Variants in KCNH1 observed in about 807,000 individuals in gnomAD.
KCNH1 encodes the protein potassium voltage-gated channel subfamily H member 1.
KCNH1 carries 27 observed loss-of-function variants against 69.2 expected under a neutral mutation model. That is an observed-to-expected ratio of 0.39 (90% CI 0.29 to 0.54). The LOEUF is 0.54. KCNH1 is among the 20% of genes least tolerant of loss of function. The pLI, the probability that KCNH1 is intolerant of heterozygous loss-of-function variation, is 0.68. For synonymous variants in KCNH1, 456 were observed against 487.7 expected (o/e 0.93, Z 0.86); for missense variants, 798 against 1,261.6 (o/e 0.63, Z 5.57).
chr1:211,047,232 G>A (rs949962081), intron 5 of KCNH1, among the ~76,000 whole-genome samples: 1 of 152,158 alleles, frequency 6.6e-6, no homozygotes, highest in Non-Finnish European at 1.5e-5. Flanking sequence ...AAACCATGAA[G>A]TTATACTACA....
At chr1:210,985,866 T>C (rs1231369991) in intron 6 of KCNH1, among the ~76,000 whole-genome samples, 1 of 152,186 alleles carries the variant, frequency 6.6e-6, no homozygotes, top group Non-Finnish European at 1.5e-5. Flanking sequence ...TTGATCTGTC[T>C]AATGTTGACA....
At chr1:210,916,176 A>G (rs1687328764) in intron 7 of KCNH1, among the ~76,000 whole-genome samples, 1 of 152,134 alleles carries the variant, frequency 6.6e-6, no homozygotes, top group South Asian at 2.1e-4. Context: ...ATACACGGGC[A>G]AAAAAGGGTA....
At chr1:210,769,850 A>C (rs1683716904) in intron 10 of KCNH1, among the ~76,000 whole-genome samples, 1 of 152,234 alleles carries the variant, frequency 6.6e-6, no homozygotes, top group Admixed American at 6.5e-5. Flanking sequence ...ACCAAGGGCA[A>C]CAAAGTGTGA....
intron 7 of KCNH1, among the ~76,000 whole-genome samples, chr1:210,864,306 C>A (rs186583650): frequency 3.9e-5 from 6 of 152,288 alleles, no homozygotes; most frequent in Non-Finnish European, 7.4e-5. Context: ...GAATGAGGAG[C>A]AGCTTAGGAG....
chr1:210,900,705 C>T (rs1003059615), intron 7 of KCNH1, among the ~76,000 whole-genome samples: 5 of 152,278 alleles, frequency 3.3e-5, no homozygotes, highest in Middle Eastern at 3.4e-3. Flanking sequence ...TCACACAGCC[C>T]ATCTCTTCTG....
chr1:211,075,785 C>T (rs1245744420), intron 5 of KCNH1, among the ~76,000 whole-genome samples: 3 of 152,246 alleles, frequency 2.0e-5, no homozygotes, highest in African/African-American at 4.8e-5. Context: ...AGCATTGCCT[C>T]ACCCAGGAAG....
intron 1 of KCNH1, among the ~76,000 whole-genome samples, chr1:211,124,164 T>G (rs559449044): frequency 2.0e-5 from 3 of 152,134 alleles, no homozygotes; most frequent in Non-Finnish European, 4.4e-5. Flanking sequence ...TCTTGAATGA[T>G]GAAAAAAGAT....
intron 7 of KCNH1, among the ~76,000 whole-genome samples, chr1:210,811,840 T>C (rs1364074046): frequency 6.6e-6 from 1 of 152,170 alleles, no homozygotes; most frequent in African/African-American, 2.4e-5. Flanking sequence ...AAAGAAATAA[T>C]GCAATATGTA....
intron 4 of KCNH1, among the ~76,000 whole-genome samples, chr1:211,086,829 G>C (rs971251153): frequency 6.6e-6 from 1 of 152,086 alleles, no homozygotes; most frequent in Admixed American, 6.5e-5. Context: ...TGAGATACAG[G>C]GTCAGAAATT....
At chr1:211,013,223 C>T (rs1294273381) in intron 6 of KCNH1, among the ~76,000 whole-genome samples, 4 of 152,182 alleles carry the variant, frequency 2.6e-5, no homozygotes, top group Admixed American at 6.5e-5. Flanking sequence ...TTGCTTTCAG[C>T]GTCAGTGATA....
intron 6 of KCNH1, among the ~76,000 whole-genome samples, chr1:210,950,312 G>T (rs944212701): frequency 1.4e-5 from 2 of 147,732 alleles, no homozygotes; most frequent in Non-Finnish European, 3.0e-5. Flanking sequence ...CTGGTGCACT[G>T]CACCCACTAA....
intron 7 of KCNH1, chr1:210,857,999 T>A (rs977243898): frequency 2.0e-5 from 3 of 152,142 alleles, no homozygotes; most frequent in African/African-American, 7.2e-5. Context: ...TAAATTTCAA[T>A]TTTTTAAGTA....
chr1:211,029,033 C>A (rs1347558400), intron 5 of KCNH1, among the ~76,000 whole-genome samples: 1 of 151,312 alleles, frequency 6.6e-6, no homozygotes, highest in Non-Finnish European at 1.5e-5. Flanking sequence ...CAGAATTTAG[C>A]AATATATAAA....
At chr1:210,806,233 G>T (rs1028027605) in intron 7 of KCNH1, among the ~76,000 whole-genome samples, 8 of 152,110 alleles carry the variant, frequency 5.3e-5, no homozygotes, top group African/African-American at 1.9e-4. Flanking sequence ...AATTGTTATT[G>T]TGTCTTTTTC....
intron 6 of KCNH1, among the ~76,000 whole-genome samples, chr1:210,992,502 G>A (rs1688955053): frequency 6.6e-6 from 1 of 152,142 alleles, no homozygotes; most frequent in Admixed American, 6.5e-5. Context: ...AAGGCAGCAT[G>A]TTTTTGTCAT....
At chr1:210,918,266 A>G (rs1345862496) in intron 7 of KCNH1, among the ~76,000 whole-genome samples, 1 of 152,236 alleles carries the variant, frequency 6.6e-6, no homozygotes, top group Non-Finnish European at 1.5e-5. Flanking sequence ...GGTCAGTATA[A>G]CAATTTGTCA....
intron 5 of KCNH1, among the ~76,000 whole-genome samples, chr1:211,082,170 G>T (rs191716558): frequency 1.3e-5 from 2 of 152,134 alleles, no homozygotes; most frequent in African/African-American, 2.4e-5. Flanking sequence ...ACAATTTTAA[G>T]TATATTTATT....
At chr1:210,847,115 C>G (rs538960983) in intron 7 of KCNH1, among the ~76,000 whole-genome samples, 2 of 152,296 alleles carry the variant, frequency 1.3e-5, no homozygotes, top group South Asian at 2.1e-4. Flanking sequence ...AATAGGAACA[C>G]TTTTACACTT....
chr1:210,739,372 A>G (rs578199308), intron 10 of KCNH1, among the ~76,000 whole-genome samples: 9 of 152,356 alleles, frequency 5.9e-5, no homozygotes, highest in Admixed American at 3.9e-4. Flanking sequence ...TCATTGTCTT[A>G]GGACTGAACC....
Sources: allele counts gnomAD v4.1 joint callset (sites outside exome capture counted in the v4.1 genomes callset), GRCh38; gene constraint gnomAD v4.1.1; transcripts MANE v1.5; gene names NCBI Gene and HGNC (gene_info 2026-07-23, HGNC 2026-07-21).